Variants in FRMD4A observed in about 807,000 individuals in gnomAD.
FRMD4A encodes the protein FERM domain containing 4A, also known as FERM domain-containing protein 4A.
In FRMD4A, 29 loss-of-function variants were observed where a neutral mutation model predicts 129.1. The observed-to-expected ratio is 0.22, with a 90% CI of 0.17 to 0.31. The LOEUF (loss-of-function observed/expected upper bound fraction) is 0.31, where lower values mean the gene tolerates loss of function less well. Among genes scored for constraint, FRMD4A ranks in the 10% least tolerant of loss-of-function variants. The pLI, the probability that FRMD4A is intolerant of heterozygous loss-of-function variation, is 1.00. For synonymous variants in FRMD4A, 634 were observed against 571.6 expected (o/e 1.11, Z -1.56); for missense variants, 1,272 against 1,375.8 (o/e 0.92, Z 1.19).
chr10:13,796,530 T>C lies in FRMD4A; in HGVS notation c.265A>G (p.Lys89Glu). ...AAGTATAAAACCACGGGTCCTGACT[T>C]TTTAGGGAAGTCATGTTCCAATACT... ...RRVLEHDFPK[K>E]SGPVVLYFCV... is the part of the protein sequence containing the mutation. Residue 89 changes from lysine to glutamate, a missense_variant, in exon 5 of 25, where the codon AAG becomes GAG. Physicochemically the swap from Lys to Glu is moderately conservative, Grantham distance 56. Transcript: ENST00000357447. The C allele has an allele frequency of 1.9e-6, 3 of 1,600,510 alleles. No homozygotes were observed. The highest frequency in any genetic ancestry group is 2.6e-6 in the Non-Finnish European group (3 of 1,167,664).
chr10:13,833,025 T>G (rs746822490), intron 3 of FRMD4A, among the ~76,000 whole-genome samples: 1 of 152,214 alleles, frequency 6.6e-6, no homozygotes, highest in Non-Finnish European at 1.5e-5. Context: ...GTGTACAGTC[T>G]GCCTTCACAC....
At chr10:14,160,669 T>C (rs905371274) in intron 2 of FRMD4A, among the ~76,000 whole-genome samples, 5 of 152,132 alleles carry the variant, frequency 3.3e-5, no homozygotes, top group Admixed American at 1.3e-4. Context: ...GACATACAAA[T>C]GGCCAACAGA....
chr10:13,859,116 G>A (rs574603156), intron 2 of FRMD4A, among the ~76,000 whole-genome samples: 54 of 152,230 alleles, frequency 3.5e-4, no homozygotes, highest in South Asian at 3.1e-3. Context: ...GGTGGCTCAC[G>A]CCTGTAATCC....
At chr10:13,896,221 T>C (rs2094756591) in intron 2 of FRMD4A, among the ~76,000 whole-genome samples, 2 of 152,220 alleles carry the variant, frequency 1.3e-5, no homozygotes, top group African/African-American at 4.8e-5. Context: ...CATGCACATA[T>C]ATGTTTATTG....
At chr10:13,764,772 C>T (rs2092218900) in intron 6 of FRMD4A, among the ~76,000 whole-genome samples, 2 of 152,170 alleles carry the variant, frequency 1.3e-5, no homozygotes, top group African/African-American at 4.8e-5. Context: ...ATCACAAGAT[C>T]CCATAGTGGC....
intron 2 of FRMD4A, among the ~76,000 whole-genome samples, chr10:14,120,151 T>C (rs1483248197): frequency 1.3e-5 from 2 of 152,100 alleles, no homozygotes; most frequent in Non-Finnish European, 2.9e-5. Context: ...AGGAATTATA[T>C]TCCTTTATAC....
At chr10:14,150,150 C>A (rs1345891588) in intron 2 of FRMD4A, among the ~76,000 whole-genome samples, 2 of 152,192 alleles carry the variant, frequency 1.3e-5, no homozygotes, top group African/African-American at 4.8e-5. Flanking sequence ...CCAATCACCT[C>A]CCACCAGGTC....
chr10:14,291,300 T>C (rs1216811821), intron 2 of FRMD4A, among the ~76,000 whole-genome samples: 1 of 152,128 alleles, frequency 6.6e-6, no homozygotes, highest in African/African-American at 2.4e-5. Context: ...GATTGACAAA[T>C]AAGAAAATTA....
At chr10:13,732,836 C>T (rs2090403515) in intron 12 of FRMD4A, among the ~76,000 whole-genome samples, 1 of 152,220 alleles carries the variant, frequency 6.6e-6, no homozygotes, top group Non-Finnish European at 1.5e-5. Context: ...ACACTGCTGG[C>T]CACACTAGGG....
chr10:13,865,577 A>G (rs3995589), intron 2 of FRMD4A, among the ~76,000 whole-genome samples: 141,168 of 150,698 alleles, frequency 0.94, 66,137 homozygotes, highest in East Asian at 0.98. Context: ...CAGCCTCCTG[A>G]GTATCTGGGA....
intron 2 of FRMD4A, among the ~76,000 whole-genome samples, chr10:13,892,029 C>T (rs2078457295): frequency 6.6e-6 from 1 of 151,382 alleles, no homozygotes; most frequent in Non-Finnish European, 1.5e-5. Context: ...GCGCCCCCGC[C>T]CCCCCAGAAA....
intron 6 of FRMD4A, among the ~76,000 whole-genome samples, chr10:13,764,513 AC>A (rs1166157659): frequency 6.6e-6 from 1 of 151,042 alleles, no homozygotes; most frequent in Non-Finnish European, 1.5e-5. Context: ...AAATAAACAA[AC>A]AAACAAACAA....
chr10:13,858,073 C>T (rs1564922763), intron 3 of FRMD4A, among the ~76,000 whole-genome samples: 1 of 152,138 alleles, frequency 6.6e-6, no homozygotes, highest in Non-Finnish European at 1.5e-5. Context: ...AAGGGGGTCG[C>T]TTAGCACTTA....
intron 2 of FRMD4A, among the ~76,000 whole-genome samples, chr10:14,098,497 G>A (rs749937614): frequency 1.3e-4 from 19 of 151,654 alleles, no homozygotes; most frequent in East Asian, 1.9e-4. Context: ...TCCGCTTCCC[G>A]GGTTCACGCC....
chr10:13,714,026 A>ATAATATATAATATAT (rs1491387054), intron 12 of FRMD4A, among the ~76,000 whole-genome samples: 1 of 60,946 alleles, frequency 1.6e-5, no homozygotes, highest in Non-Finnish European at 2.8e-5. Flanking sequence ...TATAAAATAT[A>ATAATATATAATATAT]CATATATATA....
chr10:13,704,808 C>T (rs766360057), intron 13 of FRMD4A, among the ~76,000 whole-genome samples: 3 of 151,908 alleles, frequency 2.0e-5, no homozygotes, highest in South Asian at 2.1e-4. Context: ...CAGTGGCTCA[C>T]GCCTGTAATC....
intron 14 of FRMD4A, among the ~76,000 whole-genome samples, chr10:13,697,552 T>G (rs1312963271): frequency 1.3e-5 from 2 of 152,118 alleles, no homozygotes; most frequent in Non-Finnish European, 2.9e-5. Context: ...CTTTGCAAAG[T>G]CAGGTCTCTG....
intron 2 of FRMD4A, among the ~76,000 whole-genome samples, chr10:13,953,921 T>A (rs916541956): frequency 1.1e-4 from 17 of 152,224 alleles, no homozygotes; most frequent in African/African-American, 4.1e-4. Flanking sequence ...TATTTTTACC[T>A]TTTTTAAAGT....
chr10:14,255,641 G>A (rs576411394), intron 2 of FRMD4A, among the ~76,000 whole-genome samples: 1 of 152,272 alleles, frequency 6.6e-6, no homozygotes, highest in South Asian at 2.1e-4. Context: ...AACTGCAGCT[G>A]TGAAAAAGAG....
Sources: allele counts gnomAD v4.1 joint callset (sites outside exome capture counted in the v4.1 genomes callset), GRCh38; gene constraint gnomAD v4.1.1; transcripts MANE v1.5; gene names NCBI Gene and HGNC (gene_info 2026-07-23, HGNC 2026-07-21).